ACACA: variants seen among roughly 807,000 people sequenced by gnomAD.
ACACA encodes the protein acetyl-CoA carboxylase alpha.
A neutral mutation model predicts 296.1 loss-of-function variants in ACACA; 103 were observed. That is an observed-to-expected ratio of 0.35 (90% CI 0.30 to 0.41). ACACA has a LOEUF of 0.41. ACACA is among the 10% of genes least tolerant of loss of function. The probability of loss-of-function intolerance (pLI) is 1.00; values close to 1 mark genes in which losing one functional copy is unlikely to be tolerated. For missense variants in ACACA, 1,554 were observed against 2,989.7 expected (o/e 0.52, Z 11.20); for synonymous variants, 953 against 1,038.6 (o/e 0.92, Z 1.58).
intron 45 of ACACA, among the ~76,000 whole-genome samples, chr17:37,147,389 T>G (rs1029221175): frequency 6.6e-6 from 1 of 151,892 alleles, no homozygotes; most frequent in Non-Finnish European, 1.5e-5. Flanking sequence ...GAAAGAGACA[T>G]GCACTCAGGG....
At position 37,406,530 on chromosome 17, in the gene ACACA, A is replaced by G; in HGVS notation, c.-231T>C. 1 of 616,618 alleles carries G rather than the reference A, an allele frequency of 1.6e-6. No homozygotes were observed. Among genetic ancestry groups the G allele is most frequent in the Non-Finnish European group, 2.9e-6 (1 of 347,054 alleles). 38.2% of individuals were successfully genotyped at this position (616,618 alleles called of 1,614,324 possible). On this transcript the variant is annotated 5_prime_UTR_variant, in exon 1 of 56. Transcript: ENST00000616317. ...CTCAGCCTCAATTTCCCTTGCTGCA[A>G]CAGGGGTGGAGATGGGAACGTTATC...
chr17:37,377,703 A>T (rs976139345), intron 1 of ACACA, among the ~76,000 whole-genome samples: 24 of 146,380 alleles, frequency 1.6e-4, no homozygotes, highest in Middle Eastern at 7.2e-3. Context: ...ATAAATAAAT[A>T]AAAGTAAAGT....
At chr17:37,360,585 G>A (rs1393204247) in intron 1 of ACACA, among the ~76,000 whole-genome samples, 2 of 152,120 alleles carry the variant, frequency 1.3e-5, no homozygotes, top group South Asian at 2.1e-4. Flanking sequence ...GGCTTGAGGC[G>A]AGGAGTTCAA....
At chr17:37,385,901 G>C (rs2050504321) in intron 1 of ACACA, 1 of 706,858 alleles carries the variant, frequency 1.4e-6, no homozygotes, top group South Asian at 2.0e-5. Context: ...AGGTTAATGG[G>C]ACCACAATTG....
At position 37,206,766 on chromosome 17, in the gene ACACA, CA is replaced by C; in HGVS notation, c.3948+16del. ...GTCTGAGGGGAACAAAGCAGTCTCC[CA>C]AAAGGGACATTATACCTTATCCTCA... On this transcript the variant is annotated intron_variant, in intron 32 of 55. Coordinates refer to ENST00000616317, the MANE Select transcript of ACACA (RefSeq NM_198834.3). The C allele has an allele frequency of 1.9e-6, 3 of 1,579,196 alleles. No homozygotes were observed. Among genetic ancestry groups the C allele is most frequent in the Non-Finnish European group, 2.6e-6 (3 of 1,148,582 alleles).
At chr17:37,124,821 G>A (rs959695772) in intron 48 of ACACA, among the ~76,000 whole-genome samples, 10 of 152,206 alleles carry the variant, frequency 6.6e-5, no homozygotes, top group East Asian at 3.8e-4. Flanking sequence ...GCATGGAGGC[G>A]TGCTGACCTG....
At chr17:37,280,522 C>G (rs1322207323) in intron 5 of ACACA, among the ~76,000 whole-genome samples, 1 of 151,984 alleles carries the variant, frequency 6.6e-6, no homozygotes, top group South Asian at 2.1e-4. Context: ...TGCTTTTTAT[C>G]AATAAGGTAT....
intron 24 of ACACA, 145 bp from the exon 25 acceptor site, chr17:37,235,244 C>G: frequency 2.8e-6 from 3 of 1,085,804 alleles, no homozygotes; most frequent in Non-Finnish European, 4.1e-6. Context: ...TGTACAGAAA[C>G]TGGCAATGTG....
intron 52 of ACACA, among the ~76,000 whole-genome samples, chr17:37,105,137 A>T (rs2142912733): frequency 1.3e-5 from 2 of 152,256 alleles, no homozygotes; most frequent in Admixed American, 1.3e-4. Context: ...AGCTTGGAAT[A>T]AAAATCAGAC....
In ACACA at chr17:37,248,207, A is replaced by C. The variant is rs113717318; in HGVS notation, c.2164-51T>G. The C allele has an allele frequency of 1.1e-4, 180 of 1,608,602 alleles. No homozygotes were observed. In the African/African-American group the frequency reaches 2.1e-3, roughly 18 times the overall value. On this transcript the variant is annotated intron_variant, in intron 17 of 55. Transcript: ENST00000616317. ...GTGTGTCCCTTCCAGGTACAGCTCC[A>C]AATGAAATTTGAATGCTTCAAAAAT...
intron 3 of ACACA, among the ~76,000 whole-genome samples, chr17:37,318,335 C>T (rs191809690): frequency 6.6e-6 from 1 of 152,262 alleles, no homozygotes; most frequent in East Asian, 1.9e-4. Flanking sequence ...CTCCACCTCC[C>T]GGGTTCAAGC....
At chr17:37,136,856 T>C (rs1008940028) in intron 45 of ACACA, among the ~76,000 whole-genome samples, 5 of 151,664 alleles carry the variant, frequency 3.3e-5, no homozygotes, top group Admixed American at 2.0e-4. Context: ...GGCAGGAGAA[T>C]CGCTTGAACC....
intron 52 of ACACA, among the ~76,000 whole-genome samples, chr17:37,109,898 T>C (rs2073890401): frequency 6.6e-6 from 1 of 152,174 alleles, no homozygotes; most frequent in Admixed American, 6.5e-5. Context: ...TGAGTAGGAA[T>C]TCAGCAGGCA....
intron 1 of ACACA, among the ~76,000 whole-genome samples, chr17:37,369,998 G>A (rs1387458366): frequency 1.5e-5 from 2 of 136,104 alleles, no homozygotes; most frequent in Non-Finnish European, 3.0e-5. Context: ...GAGCCACTGC[G>A]CCTGGCCCCT....
chr17:37,264,400 A>G lies in ACACA; in HGVS notation c.1120-506T>C, dbSNP rs145368491. On this transcript the variant is annotated intron_variant, in intron 10 of 55. Coordinates refer to ENST00000616317, the MANE Select transcript of ACACA (RefSeq NM_198834.3). ...TTTCTCAGCACTTTAAATAATCCCA[A>G]TGATTTTCAGCTTTCACTGTTTCTA... Among the ~76,000 whole-genome samples the G allele has an allele frequency of 3.0e-3, 460 of 152,338 alleles. 3 individuals carry two copies. The South Asian group carries it at 0.033, about 11-fold the overall frequency.
chr17:37,374,443 T>C (rs958800124), intron 1 of ACACA, among the ~76,000 whole-genome samples: 1 of 152,082 alleles, frequency 6.6e-6, no homozygotes, highest in Non-Finnish European at 1.5e-5. Flanking sequence ...TGCGCCACCA[T>C]GCCCAGCTAA....
intron 50 of ACACA, among the ~76,000 whole-genome samples, chr17:37,115,983 T>C (rs2074229839): frequency 6.8e-6 from 1 of 147,978 alleles, no homozygotes; most frequent in South Asian, 2.1e-4. Flanking sequence ...ACTTCATTCT[T>C]TTTTTTTTTT....
intron 29 of ACACA, among the ~76,000 whole-genome samples, chr17:37,214,127 G>A (rs1424532911): frequency 1.3e-5 from 2 of 152,150 alleles, no homozygotes; most frequent in African/African-American, 2.4e-5. Context: ...AGAAGAGGTC[G>A]GCTGAATAAC....
chr17:37,241,298 T>C (rs2080390470), intron 23 of ACACA, among the ~76,000 whole-genome samples: 2 of 152,094 alleles, frequency 1.3e-5, no homozygotes, highest in Non-Finnish European at 2.9e-5. Flanking sequence ...CCTAATATAA[T>C]AGGCTCCATA....
Sources: gnomAD v4.1 joint callset for allele counts (sites outside exome capture counted in the v4.1 genomes callset) on GRCh38, gnomAD v4.1.1 for gene constraint, MANE v1.5 for transcripts, NCBI Gene and HGNC (gene_info 2026-07-23, HGNC 2026-07-21) for gene names.